The following DYNC1I2 variants were observed in gnomAD, a reference collection of about 807,000 sequenced individuals.
DYNC1I2 encodes the protein cytoplasmic dynein 1 intermediate chain 2.
In DYNC1I2, 53 loss-of-function variants were observed where a neutral mutation model predicts 88.6. The observed-to-expected ratio is 0.60, with a 90% CI of 0.48 to 0.75. DYNC1I2 has a LOEUF of 0.75. Among genes scored for constraint, DYNC1I2 ranks in the 30% least tolerant of loss-of-function variants. The pLI is 0.00. For synonymous variants in DYNC1I2, 198 were observed against 254.6 expected (o/e 0.78, Z 2.12); for missense variants, 458 against 766.6 (o/e 0.60, Z 4.75).
intron 7 of DYNC1I2, among the ~76,000 whole-genome samples, chr2:171,717,355 T>G (rs1687578903): frequency 6.6e-6 from 1 of 152,128 alleles, no homozygotes; most frequent in Admixed American, 6.5e-5. Context: ...CCTCAGGTGA[T>G]CCACCCACCT....
intron 15 of DYNC1I2, among the ~76,000 whole-genome samples, chr2:171,734,720 C>CA (rs1688888156): frequency 6.6e-6 from 1 of 152,192 alleles, no homozygotes; most frequent in Non-Finnish European, 1.5e-5. Context: ...AGAGAAGAAA[C>CA]AGTCTGTTAA....
Position 171,723,708 on chromosome 2 carries a change from A to G in DYNC1I2, c.512-1910A>G, listed in dbSNP as rs143775770. Among the ~76,000 whole-genome samples the G allele has an allele frequency of 2.0e-3, 312 of 152,338 alleles. 1 individual carries two copies. Among genetic ancestry groups the G allele is most frequent in the Non-Finnish European group, 3.6e-3 (245 of 68,034 alleles). On this transcript the variant is annotated intron_variant, in intron 7 of 17. Transcript: ENST00000397119. ...AAGTAGCACAAAAGCTATAATTGGCATGCTTTGTAAGGAAGTGTCAATGTG... is the reference window on the plus strand; with the variant it reads ...AAGTAGCACAAAAGCTATAATTGGCGTGCTTTGTAAGGAAGTGTCAATGTG...
At chr2:171,739,310 A>G (rs988502523) in intron 15 of DYNC1I2, among the ~76,000 whole-genome samples, 1 of 152,174 alleles carries the variant, frequency 6.6e-6, no homozygotes, top group Non-Finnish European at 1.5e-5. Context: ...GACATTTACT[A>G]TCATATCTGA....
At chr2:171,717,391 A>G (rs907103015) in intron 7 of DYNC1I2, among the ~76,000 whole-genome samples, 1 of 152,140 alleles carries the variant, frequency 6.6e-6, no homozygotes, top group Non-Finnish European at 1.5e-5. Flanking sequence ...CTGGGATTAC[A>G]GGTGTGAGCT....
intron 6 of DYNC1I2, among the ~76,000 whole-genome samples, chr2:171,713,999 G>A (rs1194775025): frequency 6.6e-6 from 1 of 152,106 alleles, no homozygotes; most frequent in Non-Finnish European, 1.5e-5. Flanking sequence ...GACTCTGTAT[G>A]CATTCAAGTT....
At chr2:171,715,065 G>A (rs959863149) in intron 6 of DYNC1I2, among the ~76,000 whole-genome samples, 4 of 151,970 alleles carry the variant, frequency 2.6e-5, no homozygotes, top group East Asian at 3.8e-4. Flanking sequence ...ATTATTGCCC[G>A]CACATTTGTT....
intron 3 of DYNC1I2, among the ~76,000 whole-genome samples, chr2:171,706,068 G>A (rs1686656531): frequency 6.6e-6 from 1 of 151,960 alleles, no homozygotes; most frequent in Non-Finnish European, 1.5e-5. Context: ...TTTTACTGCA[G>A]CGTGTATAAA....
At chr2:171,715,650 C>T (rs1019754396) in intron 7 of DYNC1I2, among the ~76,000 whole-genome samples, 4 of 151,912 alleles carry the variant, frequency 2.6e-5, no homozygotes, top group South Asian at 4.1e-4. Flanking sequence ...TAGAAGTTAA[C>T]GTTGTAAGCT....
chr2:171,722,622 C>T (rs1183598296), intron 7 of DYNC1I2, among the ~76,000 whole-genome samples: 1 of 152,088 alleles, frequency 6.6e-6, no homozygotes, highest in East Asian at 1.9e-4. Context: ...CCTTTGGTAG[C>T]TATCATATTA....
intron 3 of DYNC1I2, among the ~76,000 whole-genome samples, chr2:171,693,472 A>G (rs1685538736): frequency 1.3e-5 from 2 of 152,248 alleles, no homozygotes; most frequent in South Asian, 4.1e-4. Context: ...TAGTAGAGGT[A>G]CACAGGACAA....
In DYNC1I2 at chr2:171,708,061, T is replaced by TCACA. The variant is rs758094120; in HGVS notation, c.335+685_335+686insACAC. Among the ~76,000 whole-genome samples the TCACA allele has an allele frequency of 3.1e-3, 425 of 137,812 alleles. 2 individuals are homozygous for TCACA. Among genetic ancestry groups the TCACA allele is most frequent in the Non-Finnish European group, 6.1e-3 (365 of 60,062 alleles). The allele number at this position is 137,812 out of a possible 152,430, so 90.4% of individuals were successfully genotyped here. On this transcript the variant is annotated intron_variant, in intron 5 of 17. Coordinates refer to ENST00000397119, the MANE Select transcript of DYNC1I2 (RefSeq NM_001378.3). The stretch of plus-strand genomic sequence containing the variant: ...AAGTATTACTACTTATTCCTCTTTG[T>TCACA]CTCTCTCACACACACACACACACAC...
chr2:171,715,231 A>T, intron 6 of DYNC1I2, 97 bp from the exon 7 acceptor site: 1 of 660,534 alleles, frequency 1.5e-6, no homozygotes, highest in Non-Finnish European at 2.5e-6. Flanking sequence ...GATTGAAATT[A>T]CAATGTTGGG....
chr2:171,714,688 G>C (rs997620363), intron 6 of DYNC1I2, among the ~76,000 whole-genome samples: 19 of 152,148 alleles, frequency 1.2e-4, no homozygotes, highest in African/African-American at 4.6e-4. Flanking sequence ...GTATTCAAAA[G>C]ATCTGTCACT....
rs1686714739 is a variant in DYNC1I2 at position 171,706,795 on chromosome 2, A to G, written c.244+231A>G. The stretch of plus-strand genomic sequence containing the variant: ...AATCATTTTAAACATTACTTTTTGA[A>G]AGAAAAAATTATTAGACAAAAGTTA... On this transcript the variant is annotated intron_variant, in intron 4 of 17. Transcript: ENST00000397119. 4 of 453,840 alleles carry G rather than the reference A, an allele frequency of 8.8e-6. No homozygotes were observed. The South Asian group carries it at 2.1e-4, about 24-fold the overall frequency. 28.1% of individuals were successfully genotyped at this position (453,840 alleles called of 1,614,324 possible).
intron 5 of DYNC1I2, chr2:171,712,293 T>A (rs1687178018): frequency 6.5e-6 from 1 of 153,076 alleles, no homozygotes; most frequent in African/African-American, 2.4e-5. Context: ...CTCATTTCCT[T>A]TACCAGTATG....
At chr2:171,695,776 G>A (rs1383792631) in intron 3 of DYNC1I2, among the ~76,000 whole-genome samples, 2 of 152,096 alleles carry the variant, frequency 1.3e-5, no homozygotes, top group Non-Finnish European at 2.9e-5. Flanking sequence ...TAGGTTCTGC[G>A]TGTCACTCTC....
intron 3 of DYNC1I2, among the ~76,000 whole-genome samples, chr2:171,695,512 T>C (rs931414927): frequency 6.6e-6 from 1 of 152,256 alleles, no homozygotes; most frequent in African/African-American, 2.4e-5. Flanking sequence ...TGTATGTCTT[T>C]TGTTTATTCC....
intron 2 of DYNC1I2, among the ~76,000 whole-genome samples, chr2:171,690,654 G>A (rs1574494860): frequency 1.5e-5 from 2 of 136,062 alleles, no homozygotes; most frequent in South Asian, 4.6e-4. Flanking sequence ...TTTGTTTTGG[G>A]TTTTTTTTTT....
chr2:171,745,893 C>T lies in DYNC1I2; in HGVS notation c.1769C>T (p.Ser590Phe). 6.2e-7 allele frequency: 1 copy of T among 1,613,764 alleles called. No homozygotes were observed. The highest frequency in any genetic ancestry group is 1.3e-5 in the African/African-American group (1 of 74,998). ...HSGREIAVGD[S>F]EGQIVIYDVG... ...GGCAGAGAGATTGCTGTGGGTGATT[C>T]TGAAGGACAGATTGTTATATACGAT... Residue 590 changes from serine (S) to phenylalanine (F), a missense_variant, in exon 17 of 18, where the codon TCT (serine) becomes TTT (phenylalanine). Coordinates refer to ENST00000397119, the MANE Select transcript of DYNC1I2 (RefSeq NM_001378.3).
Sources: gnomAD v4.1 joint callset for allele counts (sites outside exome capture counted in the v4.1 genomes callset) on GRCh38, gnomAD v4.1.1 for gene constraint, MANE v1.5 for transcripts, NCBI Gene and HGNC (gene_info 2026-07-23, HGNC 2026-07-21) for gene names.